SLC38A12: variants seen among roughly 807,000 people sequenced by gnomAD.
SLC38A12 encodes putative sodium-coupled neutral amino acid transporter 12.
At chr17:74,796,258 C>T in the SLC38A12 span, among the ~76,000 whole-genome samples, 2 of 152,186 alleles carry the variant, frequency 1.3e-5, no homozygotes, top group Non-Finnish European at 2.9e-5. Context: ...TCTTTGCCTA[C>T]TTTGGGGGCG....
the SLC38A12 span, among the ~76,000 whole-genome samples, chr17:74,794,429 C>A: frequency 1.3e-5 from 2 of 152,194 alleles, no homozygotes. Flanking sequence ...GTCTTGAGCA[C>A]CATCTCCCCA....
the SLC38A12 span, chr17:74,790,328 T>G: frequency 6.4e-7 from 1 of 1,573,534 alleles, no homozygotes; most frequent in Non-Finnish European, 8.7e-7. Context: ...GGCCCGCACT[T>G]CCCTCCGGGC....
chr17:74,807,144 C>A, the SLC38A12 span, among the ~76,000 whole-genome samples: 2 of 146,148 alleles, frequency 1.4e-5, no homozygotes, highest in African/African-American at 2.5e-5. Flanking sequence ...CCCCAGACGT[C>A]GAGTGCTGTC....
At chr17:74,784,245 A>G in the SLC38A12 span, among the ~76,000 whole-genome samples, 1 of 152,242 alleles carries the variant, frequency 6.6e-6, no homozygotes, top group African/African-American at 2.4e-5. Context: ...AACAGGTGGT[A>G]AAGCATACGG....
the SLC38A12 span, chr17:74,777,688 A>T: frequency 8.6e-7 from 1 of 1,165,182 alleles, no homozygotes; most frequent in South Asian, 1.3e-5. Flanking sequence ...GGGAGGCTGA[A>T]GCGGGCAGAT....
At chr17:74,783,061 G>T in the SLC38A12 span, among the ~76,000 whole-genome samples, 1 of 152,320 alleles carries the variant, frequency 6.6e-6, no homozygotes. Flanking sequence ...AATCCAGGAG[G>T]CAAGGTTGCA....
At chr17:74,786,603 G>T in the SLC38A12 span, among the ~76,000 whole-genome samples, 1 of 152,206 alleles carries the variant, frequency 6.6e-6, no homozygotes, top group Non-Finnish European at 1.5e-5. Context: ...CAGGGTCAGG[G>T]AGGGCTGCAT....
At chr17:74,790,335 G>A in the SLC38A12 span, 1,847 of 1,572,068 alleles carry the variant, frequency 1.2e-3, 5 homozygotes, top group South Asian at 2.4e-3. Context: ...ACTTCCCTCC[G>A]GGCCACAGGG....
At chr17:74,788,951 T>C in the SLC38A12 span, 51 of 1,292,050 alleles carry the variant, frequency 3.9e-5, no homozygotes, top group Non-Finnish European at 7.5e-6. Flanking sequence ...CCCATTCTTT[T>C]CCTCTCAGTG....
the SLC38A12 span, among the ~76,000 whole-genome samples, chr17:74,826,041 C>T: frequency 6.6e-6 from 1 of 152,326 alleles, no homozygotes; most frequent in East Asian, 1.9e-4. Flanking sequence ...GGAAAGGTGA[C>T]AGCGCCTGAA....
At chr17:74,784,980 T>C in the SLC38A12 span, among the ~76,000 whole-genome samples, 1 of 151,750 alleles carries the variant, frequency 6.6e-6, no homozygotes, top group East Asian at 1.9e-4. Flanking sequence ...AACCCTGAAG[T>C]TGGTATGGGG....
the SLC38A12 span, among the ~76,000 whole-genome samples, chr17:74,802,499 C>T: frequency 6.6e-6 from 1 of 152,206 alleles, no homozygotes; most frequent in Admixed American, 6.5e-5. Context: ...TGCTTCTAAG[C>T]TGGTGACCGA....
chr17:74,816,578 A>T, the SLC38A12 span, among the ~76,000 whole-genome samples: 1 of 152,194 alleles, frequency 6.6e-6, no homozygotes, highest in Non-Finnish European at 1.5e-5. Context: ...AAGAAAGAGG[A>T]TCTGAACAGA....
chr17:74,811,726 G>GA, the SLC38A12 span, among the ~76,000 whole-genome samples: 1 of 150,266 alleles, frequency 6.7e-6, no homozygotes, highest in African/African-American at 2.5e-5. Flanking sequence ...CTCAAAAAAA[G>GA]AAAAAAGAAA....
the SLC38A12 span, among the ~76,000 whole-genome samples, chr17:74,786,416 A>AG: frequency 6.6e-6 from 1 of 152,196 alleles, no homozygotes; most frequent in Non-Finnish European, 1.5e-5. Flanking sequence ...CTGGGTACTG[A>AG]GGGGGCCTCA....
At chr17:74,832,958 G>C in the SLC38A12 span, among the ~76,000 whole-genome samples, 1 of 152,200 alleles carries the variant, frequency 6.6e-6, no homozygotes, top group Admixed American at 6.5e-5. Flanking sequence ...GCATTACGAG[G>C]TGAAACTAAT....
At chr17:74,837,106 C>T in the SLC38A12 span, 6 of 994,980 alleles carry the variant, frequency 6.0e-6, no homozygotes, top group Non-Finnish European at 7.2e-6. Context: ...CATCCTGCGT[C>T]CTTGTCTAAG....
chr17:74,821,374 C>G, the SLC38A12 span, among the ~76,000 whole-genome samples: 1 of 152,350 alleles, frequency 6.6e-6, no homozygotes, highest in East Asian at 1.9e-4. Flanking sequence ...TCTGTGTGGT[C>G]ACATACTCAC....
chr17:74,810,249 A>G, the SLC38A12 span, among the ~76,000 whole-genome samples: 7 of 152,348 alleles, frequency 4.6e-5, no homozygotes, highest in South Asian at 2.1e-4. Flanking sequence ...CTGGCCTCTA[A>G]TGCACAGGGG....
Sources: gnomAD v4.1 joint callset for allele counts (sites outside exome capture counted in the v4.1 genomes callset) on GRCh38, gnomAD v4.1.1 for gene constraint, MANE v1.5 for transcripts, NCBI Gene and HGNC (gene_info 2026-07-23, HGNC 2026-07-21) for gene names.